The following FHIT variants were observed in gnomAD, a reference collection of about 807,000 sequenced individuals.
FHIT encodes fragile histidine triad diadenosine triphosphatase.
In FHIT, 19 loss-of-function variants were observed where a neutral mutation model predicts 17.9. That is an observed-to-expected ratio of 1.06 (90% CI 0.74 to 1.56). The LOEUF (loss-of-function observed/expected upper bound fraction) is 1.56, where lower values mean the gene tolerates loss of function less well. Ranked by LOEUF, FHIT falls within the 40% of genes most tolerant of loss-of-function variation. The probability of loss-of-function intolerance (pLI) is 0.00; values close to 1 mark genes in which losing one functional copy is unlikely to be tolerated. For synonymous variants in FHIT, 81 were observed against 69.7 expected (o/e 1.16, Z -0.81); for missense variants, 248 against 189.2 (o/e 1.31, Z -1.82).
At chr3:61,098,431 G>A (rs1383319180) in intron 2 of FHIT, among the ~76,000 whole-genome samples, 2 of 152,062 alleles carry the variant, frequency 1.3e-5, no homozygotes, top group Non-Finnish European at 2.9e-5. Context: ...TGGCTCTTGG[G>A]CTCTTTTCTG....
Position 60,608,643 on chromosome 3 carries a change from C to A in FHIT, c.-17-71664G>T, listed in dbSNP as rs572685551. ...ACAGGAACTGGGCCCAATATCATTA[C>A]AACAATACTGCAAGGTCCCCCTTCA... On this transcript the variant is annotated intron_variant, in intron 4 of 9. Transcript: ENST00000492590. Among the ~76,000 whole-genome samples, 31 of 152,210 alleles carry A rather than the reference C, an allele frequency of 2.0e-4. 1 individual carries two copies. The highest frequency in any genetic ancestry group is 2.0e-3 in the Admixed American group (30 of 15,286).
At chr3:60,340,864 G>T (rs1292448905) in intron 5 of FHIT, among the ~76,000 whole-genome samples, 1 of 152,016 alleles carries the variant, frequency 6.6e-6, no homozygotes, top group Non-Finnish European at 1.5e-5. Context: ...GCTAATTTTT[G>T]TATTTTTAGT....
At chr3:60,211,265 T>C (rs1703441119) in intron 5 of FHIT, among the ~76,000 whole-genome samples, 1 of 152,014 alleles carries the variant, frequency 6.6e-6, no homozygotes, top group Admixed American at 6.6e-5. Context: ...CATACATGTA[T>C]GTATATCCAC....
chr3:60,017,468 G>A (rs1167740573), intron 5 of FHIT, among the ~76,000 whole-genome samples: 1 of 152,206 alleles, frequency 6.6e-6, no homozygotes, highest in African/African-American at 2.4e-5. Context: ...GCTCCATCAT[G>A]GGCCAGACTC....
chr3:60,816,311 T>C (rs1701737679), intron 4 of FHIT, among the ~76,000 whole-genome samples: 1 of 152,152 alleles, frequency 6.6e-6, no homozygotes, highest in South Asian at 2.1e-4. Context: ...CATCTTTGTC[T>C]TGTTCCAGTT....
intron 7 of FHIT, among the ~76,000 whole-genome samples, chr3:60,005,238 G>C (rs1699878947): frequency 6.6e-6 from 1 of 152,154 alleles, no homozygotes; most frequent in Non-Finnish European, 1.5e-5. Flanking sequence ...TAGGGAGCTT[G>C]GTTAATTTTT....
intron 5 of FHIT, among the ~76,000 whole-genome samples, chr3:60,116,065 T>C (rs1704945853): frequency 6.6e-6 from 1 of 152,182 alleles, no homozygotes; most frequent in South Asian, 2.1e-4. Flanking sequence ...TCATGAACAC[T>C]CATTCCCTAG....
intron 8 of FHIT, among the ~76,000 whole-genome samples, chr3:59,787,225 C>A (rs1559605188): frequency 6.6e-6 from 1 of 152,088 alleles, no homozygotes; most frequent in African/African-American, 2.4e-5. Flanking sequence ...AGTGACCAAG[C>A]CAGGATTTAG....
intron 5 of FHIT, among the ~76,000 whole-genome samples, chr3:60,113,429 A>C (rs760317): frequency 1.3e-5 from 2 of 151,732 alleles, no homozygotes; most frequent in South Asian, 4.2e-4. Context: ...AGAGCTGTTC[A>C]ACGTGTGTGT....
intron 1 of FHIT, among the ~76,000 whole-genome samples, chr3:61,251,088 G>T (rs1287180332): frequency 6.6e-6 from 1 of 152,188 alleles, no homozygotes; most frequent in South Asian, 2.1e-4. Context: ...GAGGAGGAAC[G>T]GGTTAGGGCT....
intron 5 of FHIT, among the ~76,000 whole-genome samples, chr3:60,534,840 C>T (rs1255455982): frequency 6.6e-6 from 1 of 152,216 alleles, no homozygotes; most frequent in Admixed American, 6.5e-5. Flanking sequence ...ACTACTTGCT[C>T]ACTATTCACT....
intron 5 of FHIT, among the ~76,000 whole-genome samples, chr3:60,100,735 C>A (rs1377364194): frequency 8.5e-5 from 13 of 152,088 alleles, no homozygotes; most frequent in Admixed American, 8.5e-4. Context: ...ATGGTTAAAT[C>A]ATGACTTCTT....
At chr3:60,408,485 AAAC>A (rs1701954152) in intron 5 of FHIT, among the ~76,000 whole-genome samples, 1 of 152,194 alleles carries the variant, frequency 6.6e-6, no homozygotes. Context: ...AAATGTGTGA[AAAC>A]AATGAGATTT....
intron 5 of FHIT, among the ~76,000 whole-genome samples, chr3:60,344,481 T>C (rs1444421763): frequency 1.3e-5 from 2 of 152,320 alleles, no homozygotes; most frequent in African/African-American, 4.8e-5. Flanking sequence ...CTCGTGTCAG[T>C]ACTACAGAGA....
intron 1 of FHIT, among the ~76,000 whole-genome samples, chr3:61,247,474 A>G (rs9821492): frequency 0.025 from 3,745 of 152,286 alleles, 153 homozygotes; most frequent in African/African-American, 0.084. Context: ...CACTGACAGA[A>G]ACAGGCTGCT....
chr3:60,698,305 G>A (rs1213042008), intron 4 of FHIT, among the ~76,000 whole-genome samples: 6 of 152,010 alleles, frequency 3.9e-5, no homozygotes, highest in Admixed American at 3.3e-4. Flanking sequence ...CCATAAGAAT[G>A]CAGATTTGGC....
intron 5 of FHIT, among the ~76,000 whole-genome samples, chr3:60,299,644 AC>A (rs1191048590): frequency 1.3e-5 from 2 of 152,078 alleles, no homozygotes; most frequent in African/African-American, 4.8e-5. Flanking sequence ...AGGAAAAGGT[AC>A]TTCTCTACTG....
intron 5 of FHIT, among the ~76,000 whole-genome samples, chr3:60,233,331 C>T (rs943484048): frequency 6.6e-6 from 1 of 152,090 alleles, no homozygotes; most frequent in Non-Finnish European, 1.5e-5. Flanking sequence ...ACAGCTGTAA[C>T]AGCCATCCCG....
At chr3:60,275,034 T>C (rs1707057003) in intron 5 of FHIT, among the ~76,000 whole-genome samples, 1 of 152,154 alleles carries the variant, frequency 6.6e-6, no homozygotes, top group Non-Finnish European at 1.5e-5. Flanking sequence ...TTTTCATTCA[T>C]TTAATAAAGA....
Sources: allele counts gnomAD v4.1 joint callset (sites outside exome capture counted in the v4.1 genomes callset), GRCh38; gene constraint gnomAD v4.1.1; transcripts MANE v1.5; gene names NCBI Gene and HGNC (gene_info 2026-07-23, HGNC 2026-07-21).